Variants in CD27 observed in about 807,000 individuals in gnomAD.
The protein encoded by CD27 is CD27 antigen.
In CD27, 16 loss-of-function variants were observed where a neutral mutation model predicts 25.9. The ratio of observed to expected loss-of-function variants is 0.62; its 90% CI spans 0.42 to 0.94. The LOEUF is 0.94. Among genes scored for constraint, CD27 ranks in the 40% least tolerant of loss-of-function variants. The pLI is 0.00. For synonymous variants in CD27, 142 were observed against 124.3 expected (o/e 1.14, Z -0.95); for missense variants, 300 against 333.2 (o/e 0.90, Z 0.78).
At chr12:6,444,349 T>C (rs752391160), upstream of CD27, among the ~76,000 whole-genome samples, 2 of 152,266 alleles carry the variant, frequency 1.3e-5, no homozygotes, top group African/African-American at 4.8e-5. Context: ...CAGACCTCAA[T>C]TGAGACAAGG....
rs1305084432 is a variant in CD27 at position 6,450,718 on chromosome 12, G to C, written c.538+88G>C. The C allele has an allele frequency of 7.0e-7, 1 of 1,434,092 alleles. No homozygotes were observed. Among genetic ancestry groups the C allele is most frequent in the African/African-American group, 1.4e-5 (1 of 71,344 alleles). The allele number at this position is 1,434,092 out of a possible 1,614,324, so 88.8% of individuals were successfully genotyped here. A position where few individuals can be genotyped will look rare whatever the true frequency, so the allele number is the denominator to read the frequency against. ...GCCAGACAGAAAGCTCCTAGGATTAGGGATAAGAGGAGGGGAAAAAGCAGA... is the reference window on the plus strand; with the variant it reads ...GCCAGACAGAAAGCTCCTAGGATTACGGATAAGAGGAGGGGAAAAAGCAGA... On this transcript the variant is annotated intron_variant, in intron 4 of 5. Coordinates refer to ENST00000266557, the MANE Select transcript of CD27 (RefSeq NM_001242.5). The surrounding 1 kb of genome is among the most constrained non-coding windows in gnomAD (Gnocchi z 4.1).
In CD27 at chr12:6,450,165, TC is replaced by T; in HGVS notation, c.269-3del. On this transcript the variant is annotated splice_region_variant and splice_polypyrimidine_tract_variant and intron_variant, in intron 2 of 5. Coordinates refer to ENST00000266557, the MANE Select transcript of CD27 (RefSeq NM_001242.5). This position sits in a 1 kb window ranked among gnomAD's most constrained non-coding sequence, Gnocchi z 4.1. ...TGTCCTATGCTCCCTGGGCCTCTCT[TC>T]CCCCAGGTCTTCTCGTTCGCAACTG... The T allele has an allele frequency of 6.2e-7, 1 of 1,609,166 alleles. No homozygotes were observed.
rs1949524517 is a variant in CD27 at position 6,450,772 on chromosome 12, A to ACGGTGG, written c.539-119_539-114dup. 2 of 1,474,362 alleles carry ACGGTGG rather than the reference A, an allele frequency of 1.4e-6. No homozygotes were observed. Among genetic ancestry groups the ACGGTGG allele is most frequent in the South Asian group, 2.4e-5 (2 of 84,574 alleles). 91.3% of individuals were successfully genotyped at this position (1,474,362 alleles called of 1,614,324 possible). ...CACTGTTTAGGAGAGGAGTTGGCCA[A>ACGGTGG]CGGTGGCGGGTGGGATAGAATAAGG... On this transcript the variant is annotated intron_variant, in intron 4 of 5. Transcript: ENST00000266557. The surrounding 1 kb of genome is among the most constrained non-coding windows in gnomAD (Gnocchi z 4.1).
In CD27 at chr12:6,450,313, AG is replaced by A. The variant is rs763226101; in HGVS notation, c.410del (p.Ser137ThrfsTer58). Reference sequence around the variant, plus strand: ...GACCGCTCGGTCGTCTCAGGCCCTGAGCCCACACCCTCAGCCCACCCACTTA... The same window carrying A: ...GACCGCTCGGTCGTCTCAGGCCCTGACCCACACCCTCAGCCCACCCACTTA... ...SLTARSSQALSPHPQPTHLPY... is the reference protein window; with the variant it reads ...SLTARSSQALXPHPQPTHLPY... On this transcript the variant is annotated frameshift_variant, in exon 3 of 6. Transcript: ENST00000266557. LOFTEE classifies it high-confidence loss of function. The surrounding 1 kb of genome is among the most constrained non-coding windows in gnomAD (Gnocchi z 4.1). The A allele has an allele frequency of 6.2e-7, 1 of 1,613,290 alleles. No homozygotes were observed. Among genetic ancestry groups the A allele is most frequent in the African/African-American group, 1.3e-5 (1 of 74,912 alleles).
At chr12:6,451,075 C>G in intron 5 of CD27, 61 bp downstream of exon 5, 2 of 1,608,280 alleles carry the variant, frequency 1.2e-6, no homozygotes, top group Non-Finnish European at 1.7e-6. Context: ...TGGCTCAACC[C>G]CACTGCCCAC....
Position 6,450,058 on chromosome 12 carries a change from G to C in CD27, c.269-115G>C. The stretch of plus-strand genomic sequence containing the variant: ...CCTTTGCAGGGGTGGGAATGGAAAG[G>C]GAAGCACGTCCCTAGAGGTGGGCCT... On this transcript the variant is annotated intron_variant, in intron 2 of 5. Transcript: ENST00000266557. This position sits in a 1 kb window ranked among gnomAD's most constrained non-coding sequence, Gnocchi z 4.1. 1.2e-6 allele frequency: 1 copy of C among 860,464 alleles called. No homozygotes were observed. 53.3% of individuals were successfully genotyped at this position (860,464 alleles called of 1,614,324 possible).
At chr12:6,446,764 C>T (rs1949421465) in intron 2 of CD27, among the ~76,000 whole-genome samples, 1 of 139,990 alleles carries the variant, frequency 7.1e-6, no homozygotes, top group Admixed American at 7.2e-5. Flanking sequence ...GGTAACAGAG[C>T]AAAACCCTTT....
intron 2 of CD27, among the ~76,000 whole-genome samples, chr12:6,446,479 A>T (rs1312031814): frequency 6.6e-6 from 1 of 152,240 alleles, no homozygotes; most frequent in Non-Finnish European, 1.5e-5. Context: ...GTAAAAACAA[A>T]AACAAAAACC....
chr12:6,447,247 C>T (rs1555123127), intron 2 of CD27: 8 of 152,240 alleles, frequency 5.3e-5, no homozygotes, highest in Non-Finnish European at 1.2e-4. Flanking sequence ...AGGGTTGGAA[C>T]TTTTCCTAGT....
chr12:6,451,422 C>T lies in CD27; in HGVS notation c.*30C>T, dbSNP rs1260858552. On this transcript the variant is annotated 3_prime_UTR_variant, in exon 6 of 6. Coordinates refer to ENST00000266557, the MANE Select transcript of CD27 (RefSeq NM_001242.5). Reference sequence around the variant, plus strand: ...GCACCTGCGGGAGCTGCACTACAGCCCTGGCCTCCACCCCCACCCCGCCGA... The same window carrying T: ...GCACCTGCGGGAGCTGCACTACAGCTCTGGCCTCCACCCCCACCCCGCCGA... 1 of 1,602,136 alleles carries T rather than the reference C, an allele frequency of 6.2e-7. No homozygotes were observed.
chr12:6,445,492 G>A lies in CD27; in HGVS notation c.205G>A (p.Val69Ile). 7.4e-6 allele frequency: 12 copies of A among 1,614,066 alleles called. No homozygotes were observed. The highest frequency in any genetic ancestry group is 1.7e-5 in the Admixed American group (1 of 60,018). ...AAQCDPCIPGVSFSPDHHTRP... is the reference protein window; with the variant it reads ...AAQCDPCIPGISFSPDHHTRP... ...TCAGTGTGATCCTTGCATACCGGGG[G>A]TCTCCTTCTCTCCTGACCACCACAC... The change falls in exon 2 of 6, where the codon GTC (valine) becomes ATC (isoleucine). Residue 69 changes from valine (V) to isoleucine (I), a missense_variant. Transcript: ENST00000266557. This position sits in a 1 kb window ranked among gnomAD's most constrained non-coding sequence, Gnocchi z 4.5.
chr12:6,444,086 C>T (rs16932601), upstream of CD27, among the ~76,000 whole-genome samples: 15 of 152,242 alleles, frequency 9.9e-5, no homozygotes, highest in East Asian at 1.2e-3. Flanking sequence ...ATGCTCCAGG[C>T]GATCCAGGAC....
chr12:6,450,748 A>G lies in CD27; in HGVS notation c.538+118A>G. 1 of 1,413,472 alleles carries G rather than the reference A, an allele frequency of 7.1e-7. No individual in the cohort carries two copies. Among genetic ancestry groups the G allele is most frequent in the Non-Finnish European group, 9.8e-7 (1 of 1,015,860 alleles). The allele number at this position is 1,413,472 out of a possible 1,614,324, so 87.6% of individuals were successfully genotyped here. On this transcript the variant is annotated intron_variant, in intron 4 of 5. Coordinates refer to ENST00000266557, the MANE Select transcript of CD27 (RefSeq NM_001242.5). The surrounding 1 kb of genome is among the most constrained non-coding windows in gnomAD (Gnocchi z 4.1). ...AAGAGGAGGGGAAAAAGCAGAGTCC[A>G]CTGTTTAGGAGAGGAGTTGGCCAAC...
At chr12:6,444,323 C>T (rs139916142), upstream of CD27, among the ~76,000 whole-genome samples, 99 of 152,244 alleles carry the variant, frequency 6.5e-4, 1 homozygote, top group African/African-American at 2.0e-3. Flanking sequence ...GTAGCAAACT[C>T]GTTTGGCCAT....
Position 6,445,387 on chromosome 12 carries a change from C to A in CD27, c.137-37C>A, listed in dbSNP as rs997270807. ...ACCTTGAAGAGGGCAGAGAACCAGCCCTTCTCAGGCCTTGATCCCTTACCC... is the reference window on the plus strand; with the variant it reads ...ACCTTGAAGAGGGCAGAGAACCAGCACTTCTCAGGCCTTGATCCCTTACCC... On this transcript the variant is annotated intron_variant, in intron 1 of 5. Coordinates refer to ENST00000266557, the MANE Select transcript of CD27 (RefSeq NM_001242.5). This position sits in a 1 kb window ranked among gnomAD's most constrained non-coding sequence, Gnocchi z 4.5. 1.5e-5 allele frequency: 24 copies of A among 1,612,810 alleles called. No individual in the cohort carries two copies. The highest frequency in any genetic ancestry group is 2.7e-5 in the African/African-American group (2 of 74,884).
At chr12:6,449,588 C>T (rs1949481812) in intron 2 of CD27, among the ~76,000 whole-genome samples, 1 of 152,154 alleles carries the variant, frequency 6.6e-6, no homozygotes, top group Non-Finnish European at 1.5e-5. Flanking sequence ...GTGGCTCACG[C>T]CTGTAATCCC....
rs939427314 is a variant in CD27 at position 6,451,602 on chromosome 12, C to T, written c.*210C>T. On this transcript the variant is annotated 3_prime_UTR_variant, in exon 6 of 6. Transcript: ENST00000266557. ...TGGAGAGTGGGAAGCAGGAGCCCAG[C>T]CAGCTGCGCCTGCGCTGCAGGAGGG... 43 of 528,448 alleles carry T rather than the reference C, an allele frequency of 8.1e-5. No individual in the cohort carries two copies. Among genetic ancestry groups the T allele is most frequent in the Non-Finnish European group, 1.3e-4 (40 of 303,654 alleles). The allele number at this position is 528,448 out of a possible 1,614,324, so 32.7% of individuals were successfully genotyped here.
chr12:6,445,206 G>T lies in CD27; in HGVS notation c.111G>T (p.Lys37Asn), dbSNP rs1156338586. 1 of 1,613,972 alleles carries T rather than the reference G, an allele frequency of 6.2e-7. No individual in the cohort carries two copies. The highest frequency in any genetic ancestry group is 8.5e-7 in the Non-Finnish European group (1 of 1,179,936). Residue 37 changes from lysine to asparagine, a missense_variant, in exon 1 of 6, where the codon AAG becomes AAT. By Grantham distance (94) the Lys-to-Asn change is moderately conservative (BLOSUM62 0). Transcript: ENST00000266557. This position sits in a 1 kb window ranked among gnomAD's most constrained non-coding sequence, Gnocchi z 4.5. ...CPERHYWAQG[K>N]LCCQMCEPGT... ...AGAGGCACTACTGGGCTCAGGGAAAGCTGTGCTGCCAGATGTGTGAGCCAG... is the reference window on the plus strand; with the variant it reads ...AGAGGCACTACTGGGCTCAGGGAAATCTGTGCTGCCAGATGTGTGAGCCAG...
rs1949520950 is a variant in CD27 at position 6,450,686 on chromosome 12, G to A, written c.538+56G>A. The A allele has an allele frequency of 3.3e-6, 5 of 1,532,660 alleles. No individual in the cohort carries two copies. The highest frequency in any genetic ancestry group is 2.7e-5 in the African/African-American group (2 of 73,426). 94.9% of individuals were successfully genotyped at this position (1,532,660 alleles called of 1,614,324 possible). On this transcript the variant is annotated intron_variant, in intron 4 of 5. Transcript: ENST00000266557. The surrounding 1 kb of genome is among the most constrained non-coding windows in gnomAD (Gnocchi z 4.1). ...AGAGAATGCATACACGAGGGGCCAG[G>A]AGGGAAGCCAGACAGAAAGCTCCTA... is the stretch of plus-strand genomic sequence containing the variant.
Sources: gnomAD v4.1 joint callset for allele counts (sites outside exome capture counted in the v4.1 genomes callset) on GRCh38, gnomAD v4.1.1 for gene constraint, Gnocchi (gnomAD v3.1) non-coding constraint, MANE v1.5 for transcripts, NCBI Gene and HGNC (gene_info 2026-07-23, HGNC 2026-07-21) for gene names.